The following HSD17B12 variants were observed in gnomAD, a reference collection of about 807,000 sequenced individuals.
HSD17B12 encodes very-long-chain 3-oxoacyl-CoA reductase.
In HSD17B12, 32 loss-of-function variants were observed where a neutral mutation model predicts 39.3. The observed-to-expected ratio is 0.81, with a 90% CI of 0.61 to 1.09. The LOEUF (loss-of-function observed/expected upper bound fraction) is 1.09, where lower values mean the gene tolerates loss of function less well. Among genes scored for constraint, HSD17B12 ranks in the 50% least tolerant of loss-of-function variants. The probability of loss-of-function intolerance (pLI) is 0.00; values close to 1 mark genes in which losing one functional copy is unlikely to be tolerated. For synonymous variants in HSD17B12, 150 were observed against 146.7 expected (o/e 1.02, Z -0.16); for missense variants, 342 against 382.9 (o/e 0.89, Z 0.89).
At chr11:43,715,453 C>G (rs1282834518) in intron 1 of HSD17B12, among the ~76,000 whole-genome samples, 1 of 152,104 alleles carries the variant, frequency 6.6e-6, no homozygotes, top group Non-Finnish European at 1.5e-5. Context: ...GTCGAACCAG[C>G]CTTGCATCCC....
intron 3 of HSD17B12, among the ~76,000 whole-genome samples, chr11:43,783,800 C>T (rs1171087957): frequency 6.6e-6 from 1 of 151,944 alleles, no homozygotes; most frequent in African/African-American, 2.4e-5. Context: ...CAATGTTTAT[C>T]ACATTATAAA....
chr11:43,622,226 T>C, the HSD17B12 span, among the ~76,000 whole-genome samples: 6 of 152,304 alleles, frequency 3.9e-5, no homozygotes, highest in African/African-American at 1.4e-4. Context: ...CTGAAGGAAT[T>C]GCATCACATG....
At chr11:43,677,452 T>A (rs535470742), upstream of HSD17B12, among the ~76,000 whole-genome samples, 26 of 152,302 alleles carry the variant, frequency 1.7e-4, no homozygotes, top group South Asian at 8.3e-4. Context: ...ACAATTTTTT[T>A]AAATTATACT....
chr11:43,722,468 T>C (rs968326591), intron 1 of HSD17B12, among the ~76,000 whole-genome samples: 9 of 152,264 alleles, frequency 5.9e-5, no homozygotes, highest in East Asian at 5.8e-4. Flanking sequence ...TCCCAGCACA[T>C]TGGGAGGCTG....
chr11:43,680,383 C>A (rs1326649220), upstream of HSD17B12, among the ~76,000 whole-genome samples: 1 of 152,144 alleles, frequency 6.6e-6, no homozygotes, highest in Non-Finnish European at 1.5e-5. Context: ...ACGCCCACTT[C>A]TTACTATAAT....
At chr11:43,607,279 AGTGTGT>A in the HSD17B12 span, among the ~76,000 whole-genome samples, 2,229 of 145,144 alleles carry the variant, frequency 0.015, 25 homozygotes, top group African/African-American at 0.029. Context: ...TGTGCTCCTG[AGTGTGT>A]GTGTGTGTGT....
the HSD17B12 span, among the ~76,000 whole-genome samples, chr11:43,657,166 T>A: frequency 1.4e-4 from 21 of 152,338 alleles, no homozygotes; most frequent in South Asian, 4.3e-3. Flanking sequence ...TGGCCTTCTT[T>A]GTCTCTTTTG....
intron 1 of HSD17B12, among the ~76,000 whole-genome samples, chr11:43,685,887 T>G (rs1026748709): frequency 6.6e-6 from 1 of 152,246 alleles, no homozygotes; most frequent in African/African-American, 2.4e-5. Context: ...AGTTTCAAAT[T>G]TGCACATTCA....
chr11:43,764,628 A>G (rs1328063555), intron 3 of HSD17B12, among the ~76,000 whole-genome samples: 1 of 152,110 alleles, frequency 6.6e-6, no homozygotes, highest in Non-Finnish European at 1.5e-5. Flanking sequence ...TAACATTTAG[A>G]GTTGTATGTC....
chr11:43,666,353 C>G, the HSD17B12 span, among the ~76,000 whole-genome samples: 4 of 152,162 alleles, frequency 2.6e-5, no homozygotes, highest in Non-Finnish European at 5.9e-5. Flanking sequence ...CTTAGGCACA[C>G]ACCACCCCGC....
the HSD17B12 span, among the ~76,000 whole-genome samples, chr11:43,571,568 T>G: frequency 6.6e-6 from 1 of 152,224 alleles, no homozygotes; most frequent in Non-Finnish European, 1.5e-5. Context: ...TTAGAATGGC[T>G]GAGAGGAGGG....
chr11:43,729,780 G>A (rs2134884721), intron 1 of HSD17B12, among the ~76,000 whole-genome samples: 1 of 152,284 alleles, frequency 6.6e-6, no homozygotes. Context: ...ATGATAAACA[G>A]AAAGTTATTT....
At chr11:43,616,385 G>A in the HSD17B12 span, among the ~76,000 whole-genome samples, 1 of 140,478 alleles carries the variant, frequency 7.1e-6, no homozygotes, top group African/African-American at 2.6e-5. Context: ...TCCAGCCTGG[G>A]GCGACAGAGT....
rs771719342 is a variant in HSD17B12, at chr11:43,680,814, C to A, written c.-14C>A. On this transcript the variant is annotated 5_prime_UTR_variant, in exon 1 of 11. Transcript: ENST00000278353. ...CTTTTCATTCACGAAGGTAGTGAGG[C>A]CTAGTGGAAAGCCATGGAGAGCGCT... The A allele has an allele frequency of 8.1e-6, 13 of 1,610,010 alleles. No individual in the cohort carries two copies. In the South Asian group the frequency reaches 1.4e-4, roughly 18 times the overall value.
intron 1 of HSD17B12, among the ~76,000 whole-genome samples, chr11:43,715,488 G>T (rs926375047): frequency 6.6e-6 from 1 of 152,126 alleles, no homozygotes; most frequent in Non-Finnish European, 1.5e-5. Context: ...CTTGATCATG[G>T]TAGATAAGCT....
At chr11:43,727,557 T>A (rs1271711690) in intron 1 of HSD17B12, among the ~76,000 whole-genome samples, 2 of 151,928 alleles carry the variant, frequency 1.3e-5, no homozygotes, top group Non-Finnish European at 2.9e-5. Context: ...TGGTCTCAAC[T>A]GATTTTCCTG....
chr11:43,694,429 G>A (rs1317050055), intron 1 of HSD17B12, among the ~76,000 whole-genome samples: 2 of 152,122 alleles, frequency 1.3e-5, no homozygotes, highest in Non-Finnish European at 2.9e-5. Context: ...GGCCAGGTGT[G>A]GTGGCTCATG....
At chr11:43,835,335 G>A (rs1052436683) in intron 7 of HSD17B12, among the ~76,000 whole-genome samples, 2 of 152,020 alleles carry the variant, frequency 1.3e-5, no homozygotes, top group African/African-American at 4.8e-5. Flanking sequence ...TGATTTAAAG[G>A]GCGAGTCTTT....
chr11:43,578,366 G>C, the HSD17B12 span, among the ~76,000 whole-genome samples: 9 of 152,142 alleles, frequency 5.9e-5, no homozygotes, highest in Non-Finnish European at 1.3e-4. Flanking sequence ...GGTGCAGCCC[G>C]GGCCGGGGGA....
Sources: gnomAD v4.1 joint callset for allele counts (sites outside exome capture counted in the v4.1 genomes callset) on GRCh38, gnomAD v4.1.1 for gene constraint, MANE v1.5 for transcripts, NCBI Gene and HGNC (gene_info 2026-07-23, HGNC 2026-07-21) for gene names.